The following MBTPS2 variants were observed in gnomAD, a reference collection of about 807,000 sequenced individuals.
The protein encoded by MBTPS2 is membrane bound transcription factor peptidase, site 2, also known as membrane-bound transcription factor site-2 protease.
In MBTPS2, 2 loss-of-function variants were observed where a neutral mutation model predicts 35.4. The ratio of observed to expected loss-of-function variants is 0.06; its 90% CI spans 0.02 to 0.18. The LOEUF (loss-of-function observed/expected upper bound fraction) is 0.18, where lower values mean the gene tolerates loss of function less well. Among genes scored for constraint, MBTPS2 ranks in the 10% least tolerant of loss-of-function variants. The pLI, the probability that MBTPS2 is intolerant of heterozygous loss-of-function variation, is 1.00. For synonymous variants in MBTPS2, 125 were observed against 140.4 expected (o/e 0.89, Z 0.77); for missense variants, 244 against 386.5 (o/e 0.63, Z 3.09).
At chrX:21,856,325 TTCTCTGCAGCTCGCGCC>T in intron 5 of MBTPS2, 1 of 486,298 alleles carries the variant, frequency 2.1e-6, no homozygotes. Context: ...GCTCGCGCCT[TTCTCTGCAGCTCGCGCC>T]TTTCTCTGCA....
intron 4 of MBTPS2, 79 bp from the exon 5 acceptor site, chrX:21,853,297 A>G: frequency 1.3e-6 from 1 of 780,867 alleles, no homozygotes; most frequent in South Asian, 2.7e-5. Flanking sequence ...TACAGTGAAA[A>G]GTTTTAAGAT....
At chrX:21,876,668 A>G (rs917270332) in intron 7 of MBTPS2, among the ~76,000 whole-genome samples, 1 of 111,317 alleles carries the variant, frequency 9.0e-6, no homozygotes, top group Non-Finnish European at 1.9e-5. Context: ...TGTTTTGGCC[A>G]AGGAGATAGA....
At position 21,857,848 on chromosome X, in the gene MBTPS2, G is replaced by A. The variant is rs944200643; in HGVS notation, c.670+4345G>A. On this transcript the variant is annotated intron_variant, in intron 5 of 10. Coordinates refer to ENST00000379484, the MANE Select transcript of MBTPS2 (RefSeq NM_015884.4). Reference sequence around the variant, plus strand: ...CTTGTTCTGTAACTATTTTTGTAAAGTTTGGTCCCAACAGGAGAAAAATTC... The same window carrying A: ...CTTGTTCTGTAACTATTTTTGTAAAATTTGGTCCCAACAGGAGAAAAATTC... The A allele has an allele frequency of 3.9e-5, 12 of 305,885 alleles. No individual in the cohort carries two copies. In the South Asian group the frequency reaches 1.3e-3, roughly 32 times the overall value. 25.2% of individuals were successfully genotyped at this position (305,885 alleles called of 1,213,427 possible).
chrX:21,862,969 A>ATAT (rs2092934763), intron 5 of MBTPS2, among the ~76,000 whole-genome samples: 10 of 24,759 alleles, frequency 4.0e-4, no homozygotes, highest in African/African-American at 6.1e-4. Flanking sequence ...TATATATATA[A>ATAT]AACCGACTGG....
intron 5 of MBTPS2, chrX:21,857,710 A>AC (rs1234656626): frequency 1.1e-6 from 1 of 904,652 alleles, no homozygotes; most frequent in Non-Finnish European, 1.5e-6. Flanking sequence ...TTTTAAAAAA[A>AC]AATGAATCCT....
intron 10 of MBTPS2, 120 bp from the exon 11 acceptor site, chrX:21,882,313 G>A: frequency 3.6e-6 from 2 of 561,514 alleles, no homozygotes; most frequent in Non-Finnish European, 6.2e-6. Flanking sequence ...GAGATTTAAA[G>A]AAAGTAGAGA....
At position 21,880,939 on chromosome X, in the gene MBTPS2, T is replaced by G; in HGVS notation, c.1304T>G (p.Ile435Arg). Reference sequence around the variant, plus strand: ...ATCCCACGTTTTAACTTTCTAAGCATAGATCTGCCAGTGGTTGTGGAGACA... The same window carrying G: ...ATCCCACGTTTTAACTTTCTAAGCAGAGATCTGCCAGTGGTTGTGGAGACA... Reference protein sequence around the residue: ...SFIPRFNFLSIDLPVVVETFV... With the variant: ...SFIPRFNFLSRDLPVVVETFV... Residue 435 changes from isoleucine to arginine, a missense_variant, in exon 10 of 11, where the codon ATA becomes AGA. Coordinates refer to ENST00000379484, the MANE Select transcript of MBTPS2 (RefSeq NM_015884.4). 8.3e-7 allele frequency: 1 copy of G among 1,205,790 alleles called. No homozygotes were observed. The highest frequency in any genetic ancestry group is 1.1e-6 in the Non-Finnish European group (1 of 889,886).
In MBTPS2 at chrX:21,883,902, G is replaced by GA. The variant is rs1030813255; in HGVS notation, c.*1249dup. ...ATTTGGGGAGTCAGCAGGCCAGTGT[G>GA]AAGCTATTGGTCCTAGGAGTATATG... On this transcript the variant is annotated 3_prime_UTR_variant, in exon 11 of 11. Transcript: ENST00000379484. 6.6e-6 allele frequency: 5 copies of GA among 751,981 alleles called. No homozygotes were observed. Among genetic ancestry groups the GA allele is most frequent in the Non-Finnish European group, 7.8e-6 (5 of 639,053 alleles). 62.0% of individuals were successfully genotyped at this position (751,981 alleles called of 1,213,427 possible). A position where few individuals can be genotyped will look rare whatever the true frequency, so the allele number is the denominator to read the frequency against.
chrX:21,870,324 A>G (rs2092945808), intron 7 of MBTPS2: 1 of 111,333 alleles, frequency 9.0e-6, no homozygotes, highest in African/African-American at 3.3e-5. Context: ...ATGTCTGTAG[A>G]TATATTATAG....
rs756102183 is a variant in MBTPS2 at position 21,850,080 on chromosome X, C to CAAGA, written c.439-1428_439-1425dup. ...AGGACCTCAAACCCATAACATGTCTCAAGAGCCCAATCCCTTAGCAAGTAT... is the reference window on the plus strand; with the variant it reads ...AGGACCTCAAACCCATAACATGTCTCAAGAAAGAGCCCAATCCCTTAGCAAGTAT... On this transcript the variant is annotated intron_variant, in intron 3 of 10. Coordinates refer to ENST00000379484, the MANE Select transcript of MBTPS2 (RefSeq NM_015884.4). Among the ~76,000 whole-genome samples, 9 of 106,729 alleles carry CAAGA rather than the reference C, an allele frequency of 8.4e-5. No homozygotes were observed. In the South Asian group the frequency reaches 3.8e-3, roughly 46 times the overall value. 92.7% of individuals were successfully genotyped at this position (106,729 alleles called of 115,157 possible).
chrX:21,868,661 T>C (rs2092943511), intron 6 of MBTPS2, 76 bp downstream of exon 6: 1 of 707,968 alleles, frequency 1.4e-6, no homozygotes, highest in South Asian at 2.1e-5. Context: ...CAGAAACTTT[T>C]ATTCAAGATC....
chrX:21,839,699 G>A lies in MBTPS2; in HGVS notation c.-36G>A. On this transcript the variant is annotated 5_prime_UTR_variant, in exon 1 of 11. Transcript: ENST00000379484. The stretch of plus-strand genomic sequence containing the variant: ...TTGGCGGTGCAGGGAGGAGGACGCC[G>A]GGGCTCGCCTTCCCTCCTCTGCCGC... 6.0e-6 allele frequency: 7 copies of A among 1,159,362 alleles called. No homozygotes were observed. Among genetic ancestry groups the A allele is most frequent in the Non-Finnish European group, 8.1e-6 (7 of 864,839 alleles).
At chrX:21,869,081 A>G (rs1409118590) in intron 6 of MBTPS2, among the ~76,000 whole-genome samples, 1 of 112,206 alleles carries the variant, frequency 8.9e-6, no homozygotes, top group African/African-American at 3.2e-5. Flanking sequence ...TTTGTGAGCA[A>G]TTGGCTTACA....
At chrX:21,882,402 A>C (rs1166389899) in intron 10 of MBTPS2, 31 bp from the exon 11 acceptor site, 6 of 1,085,259 alleles carry the variant, frequency 5.5e-6, no homozygotes, top group Non-Finnish European at 7.7e-6. Context: ...CAGACCTCTC[A>C]CAGTTGGTTC....
intron 5 of MBTPS2, among the ~76,000 whole-genome samples, chrX:21,861,493 TATA>T (rs1342240539): frequency 9.9e-5 from 11 of 111,549 alleles, no homozygotes; most frequent in Non-Finnish European, 1.5e-4. Context: ...CTGTAGCAGA[TATA>T]ATGAGATTGA....
intron 3 of MBTPS2, among the ~76,000 whole-genome samples, chrX:21,846,903 T>G (rs2092909264): frequency 9.0e-6 from 1 of 111,536 alleles, no homozygotes; most frequent in South Asian, 3.7e-4. Context: ...AGAGTGAAGA[T>G]GTGGAGATCA....
At chrX:21,843,597 G>C (rs1569320976) in intron 2 of MBTPS2, among the ~76,000 whole-genome samples, 1 of 111,430 alleles carries the variant, frequency 9.0e-6, no homozygotes, top group East Asian at 2.8e-4. Flanking sequence ...GAGAATGTGA[G>C]GGTCAGGGGT....
chrX:21,866,233 CTGT>C (rs2147446034), intron 5 of MBTPS2, among the ~76,000 whole-genome samples: 1 of 111,414 alleles, frequency 9.0e-6, no homozygotes, highest in Non-Finnish European at 1.9e-5. Flanking sequence ...TGTTTCTTGG[CTGT>C]TGTTTTATTA....
chrX:21,860,560 T>C (rs1306586839), intron 5 of MBTPS2, among the ~76,000 whole-genome samples: 3 of 112,386 alleles, frequency 2.7e-5, no homozygotes, highest in South Asian at 3.7e-4. Flanking sequence ...AAAGAAATGT[T>C]TGTGCTCCAC....
Sources: allele counts gnomAD v4.1 joint callset (sites outside exome capture counted in the v4.1 genomes callset), GRCh38; gene constraint gnomAD v4.1.1; transcripts MANE v1.5; gene names NCBI Gene and HGNC (gene_info 2026-07-23, HGNC 2026-07-21).